GALNTL6: variants seen among roughly 807,000 people sequenced by gnomAD.
GALNTL6 encodes polypeptide N-acetylgalactosaminyltransferase like 6, also known as polypeptide N-acetylgalactosaminyltransferase-like 6.
GALNTL6 carries 46 observed loss-of-function variants against 73.7 expected under a neutral mutation model. The observed-to-expected ratio is 0.62, with a 90% CI of 0.49 to 0.80. GALNTL6 has a LOEUF of 0.80. GALNTL6 is among the 30% of genes least tolerant of loss of function. The pLI, the probability that GALNTL6 is intolerant of heterozygous loss-of-function variation, is 0.00. For missense variants in GALNTL6, 604 were observed against 755.0 expected (o/e 0.80, Z 2.34); for synonymous variants, 259 against 263.7 (o/e 0.98, Z 0.17).
At chr4:172,113,880 G>A (rs1452346182) in intron 2 of GALNTL6, among the ~76,000 whole-genome samples, 6 of 151,868 alleles carry the variant, frequency 4.0e-5, no homozygotes, top group African/African-American at 7.3e-5. Flanking sequence ...GTTAAATGTC[G>A]AACTTTTTAT....
chr4:172,962,371 C>A (rs185771013), intron 10 of GALNTL6, among the ~76,000 whole-genome samples: 10 of 152,292 alleles, frequency 6.6e-5, no homozygotes, highest in African/African-American at 2.2e-4. Flanking sequence ...TAGTATAATA[C>A]TATTAACTAA....
At chr4:172,339,431 C>T (rs1367835254) in intron 4 of GALNTL6, among the ~76,000 whole-genome samples, 1 of 152,112 alleles carries the variant, frequency 6.6e-6, no homozygotes, top group East Asian at 1.9e-4. Context: ...GTGCCTACTC[C>T]TGGGGCACTT....
At chr4:172,011,914 G>T (rs1370766454) in intron 2 of GALNTL6, among the ~76,000 whole-genome samples, 1 of 152,062 alleles carries the variant, frequency 6.6e-6, no homozygotes, top group Non-Finnish European at 1.5e-5. Flanking sequence ...GTGCAATAGG[G>T]TGAGAAAGGT....
At chr4:172,856,120 A>G (rs1279980243) in intron 7 of GALNTL6, among the ~76,000 whole-genome samples, 1 of 152,190 alleles carries the variant, frequency 6.6e-6, no homozygotes, top group African/African-American at 2.4e-5. Flanking sequence ...ATCCTCAATG[A>G]TTTTCAGTTT....
chr4:172,076,496 A>G, intron 2 of GALNTL6, among the ~76,000 whole-genome samples: 1 of 152,366 alleles, frequency 6.6e-6, no homozygotes, highest in Middle Eastern at 3.4e-3. Flanking sequence ...TATTAATACA[A>G]GAAAACATAA....
chr4:172,225,581 G>T (rs1349248946), intron 2 of GALNTL6, among the ~76,000 whole-genome samples: 1 of 151,858 alleles, frequency 6.6e-6, no homozygotes, highest in East Asian at 1.9e-4. Context: ...TGGGAAAAAG[G>T]AATTATTTCT....
rs764924364 is a variant in GALNTL6, at chr4:172,311,779, G to C, written c.386+27G>C. On this transcript the variant is annotated intron_variant, in intron 4 of 12. Transcript: ENST00000506823. ...TGAGTATCAGCATATCAGTGATCAGGGTGGGTTTTTTTGGTTTTTTTTGTC... is the reference window on the plus strand; with the variant it reads ...TGAGTATCAGCATATCAGTGATCAGCGTGGGTTTTTTTGGTTTTTTTTGTC... 4.1e-6 allele frequency: 6 copies of C among 1,471,736 alleles called. No homozygotes were observed. In the South Asian group the frequency reaches 7.2e-5, roughly 18 times the overall value. 91.2% of individuals were successfully genotyped at this position (1,471,736 alleles called of 1,614,324 possible). A position where few individuals can be genotyped will look rare whatever the true frequency, so the allele number is the denominator to read the frequency against.
intron 5 of GALNTL6, among the ~76,000 whole-genome samples, chr4:172,693,372 C>G (rs1309565943): frequency 6.6e-6 from 1 of 152,126 alleles, no homozygotes; most frequent in Non-Finnish European, 1.5e-5. Context: ...CCTGAGTTTA[C>G]CCCCATTGCC....
intron 5 of GALNTL6, among the ~76,000 whole-genome samples, chr4:172,537,626 G>A (rs1735392428): frequency 6.6e-6 from 1 of 152,112 alleles, no homozygotes; most frequent in Admixed American, 6.6e-5. Flanking sequence ...AATACAATTA[G>A]TGATATATTG....
At chr4:172,121,718 A>G (rs1366732876) in intron 2 of GALNTL6, among the ~76,000 whole-genome samples, 3 of 152,172 alleles carry the variant, frequency 2.0e-5, no homozygotes, top group East Asian at 1.9e-4. Flanking sequence ...GGTAAGTTCA[A>G]TATGTCTGTT....
intron 4 of GALNTL6, among the ~76,000 whole-genome samples, chr4:172,343,666 T>TA (rs1363232475): frequency 6.6e-6 from 1 of 152,072 alleles, no homozygotes; most frequent in Non-Finnish European, 1.5e-5. Context: ...AATGCCAATA[T>TA]AAAAAATCAG....
intron 9 of GALNTL6, among the ~76,000 whole-genome samples, chr4:172,949,367 A>T (rs901530958): frequency 1.3e-5 from 2 of 152,212 alleles, no homozygotes; most frequent in African/African-American, 4.8e-5. Context: ...CTAGAATTTT[A>T]AAGGTATATT....
intron 3 of GALNTL6, among the ~76,000 whole-genome samples, chr4:172,281,551 A>C (rs1432202380): frequency 6.6e-6 from 1 of 152,002 alleles, no homozygotes; most frequent in Non-Finnish European, 1.5e-5. Flanking sequence ...ATACAAAAAA[A>C]AGAAAAAAAA....
chr4:173,034,046 T>C (rs2126538799), intron 12 of GALNTL6, among the ~76,000 whole-genome samples: 1 of 152,312 alleles, frequency 6.6e-6, no homozygotes, highest in Middle Eastern at 3.4e-3. Flanking sequence ...TCTTTCTGCA[T>C]TTCTTGCCTG....
intron 5 of GALNTL6, among the ~76,000 whole-genome samples, chr4:172,360,561 G>T (rs1325899499): frequency 1.3e-5 from 2 of 152,132 alleles, no homozygotes; most frequent in Non-Finnish European, 2.9e-5. Flanking sequence ...TGAGTTGTAT[G>T]AAGGCAATTT....
intron 2 of GALNTL6, among the ~76,000 whole-genome samples, chr4:171,875,855 A>G (rs994698218): frequency 6.6e-6 from 1 of 151,034 alleles, no homozygotes; most frequent in African/African-American, 2.4e-5. Flanking sequence ...CTCATGGCTA[A>G]CTATCTGCCT....
chr4:172,339,348 A>G (rs1741476868), intron 4 of GALNTL6, among the ~76,000 whole-genome samples: 1 of 148,840 alleles, frequency 6.7e-6, no homozygotes, highest in Non-Finnish European at 1.5e-5. Context: ...GTTTCTTCTC[A>G]CCCAGGAGAA....
intron 2 of GALNTL6, among the ~76,000 whole-genome samples, chr4:171,963,865 G>A (rs1054820769): frequency 7.2e-5 from 11 of 152,182 alleles, no homozygotes; most frequent in Non-Finnish European, 1.5e-4. Flanking sequence ...GAGAGCAGAA[G>A]CACTGAAGGC....
At chr4:172,340,233 G>GC (rs1346865208) in intron 4 of GALNTL6, among the ~76,000 whole-genome samples, 1 of 152,010 alleles carries the variant, frequency 6.6e-6, no homozygotes, top group African/African-American at 2.4e-5. Flanking sequence ...TACTTTCTCT[G>GC]CATCTATTGA....
Sources: allele counts gnomAD v4.1 joint callset (sites outside exome capture counted in the v4.1 genomes callset), GRCh38; gene constraint gnomAD v4.1.1; transcripts MANE v1.5; gene names NCBI Gene and HGNC (gene_info 2026-07-23, HGNC 2026-07-21).